The following TMEM178B variants were observed in gnomAD, a reference collection of about 807,000 sequenced individuals.
TMEM178B encodes transmembrane protein 178B.
Under a neutral mutation model 31.0 loss-of-function variants are expected in TMEM178B, and 5 were observed. That is an observed-to-expected ratio of 0.16 (90% CI 0.08 to 0.34). TMEM178B has a LOEUF of 0.34. Ranked by LOEUF, TMEM178B falls within the 10% of genes least tolerant of loss-of-function variation. The pLI, the probability that TMEM178B is intolerant of heterozygous loss-of-function variation, is 1.00. For synonymous variants in TMEM178B, 164 were observed against 164.0 expected (o/e 1.00, Z 0.00); for missense variants, 275 against 400.3 (o/e 0.69, Z 2.67).
intron 2 of TMEM178B, among the ~76,000 whole-genome samples, chr7:141,237,987 G>C (rs956749378): frequency 6.8e-6 from 1 of 147,650 alleles, no homozygotes. Flanking sequence ...ATGCACCATT[G>C]CACTCCAGCC....
chr7:141,262,500 T>C (rs1798030159), intron 2 of TMEM178B, among the ~76,000 whole-genome samples: 1 of 134,924 alleles, frequency 7.4e-6, no homozygotes, highest in Admixed American at 7.4e-5. Context: ...TATATATATA[T>C]ATATCCCTCC....
At position 141,207,129 on chromosome 7, in the gene TMEM178B, C is replaced by T. The variant is rs372526935; in HGVS notation, c.383-5462C>T. Among the ~76,000 whole-genome samples, 101 of 152,228 alleles carry T rather than the reference C, an allele frequency of 6.6e-4. 3 individuals carry two copies. Among genetic ancestry groups the T allele is most frequent in the African/African-American group, 2.2e-3 (93 of 41,530 alleles). ...GCAAGCTTCCCTTCTTTTTAAAGAC[C>T]GATTATATGGCATTGTAGGGATGCA... On this transcript the variant is annotated intron_variant, in intron 1 of 3. Coordinates refer to ENST00000565468, the MANE Select transcript of TMEM178B (RefSeq NM_001195278.2).
intron 2 of TMEM178B, among the ~76,000 whole-genome samples, chr7:141,243,907 A>G (rs1797683900): frequency 6.6e-6 from 1 of 152,174 alleles, no homozygotes; most frequent in South Asian, 2.1e-4. Flanking sequence ...TGTATCCACC[A>G]CTGAATACCC....
At chr7:141,259,496 C>T (rs1269203209) in intron 2 of TMEM178B, among the ~76,000 whole-genome samples, 3 of 152,040 alleles carry the variant, frequency 2.0e-5, no homozygotes, top group Non-Finnish European at 4.4e-5. Context: ...TTTCCTATTT[C>T]TTTGCATATC....
chr7:141,227,984 C>G (rs1248791994), intron 2 of TMEM178B, among the ~76,000 whole-genome samples: 1 of 151,684 alleles, frequency 6.6e-6, no homozygotes, highest in African/African-American at 2.4e-5. Flanking sequence ...GAAGAATTAA[C>G]TATATTTTCT....
At chr7:141,143,588 G>A (rs1795808316) in intron 1 of TMEM178B, among the ~76,000 whole-genome samples, 1 of 152,114 alleles carries the variant, frequency 6.6e-6, no homozygotes, top group South Asian at 2.1e-4. Flanking sequence ...GTCTGATTTT[G>A]TACTGGTACC....
At chr7:141,158,975 G>A (rs909864161) in intron 1 of TMEM178B, among the ~76,000 whole-genome samples, 7 of 152,158 alleles carry the variant, frequency 4.6e-5, no homozygotes, top group African/African-American at 1.7e-4. Context: ...TGAGGAAGAG[G>A]TTGGGCAGGG....
chr7:141,237,726 T>C (rs1241994062), intron 2 of TMEM178B, among the ~76,000 whole-genome samples: 4 of 152,024 alleles, frequency 2.6e-5, no homozygotes, highest in Non-Finnish European at 4.4e-5. Context: ...ATACTTTATT[T>C]TGAAAGTAAG....
chr7:141,274,639 C>A (rs529069587), intron 2 of TMEM178B, among the ~76,000 whole-genome samples: 20 of 152,202 alleles, frequency 1.3e-4, no homozygotes, highest in Non-Finnish European at 2.1e-4. Context: ...TCTGTCCATG[C>A]CCAAATCCAT....
At chr7:141,458,289 T>C (rs1802002527) in intron 3 of TMEM178B, among the ~76,000 whole-genome samples, 1 of 152,148 alleles carries the variant, frequency 6.6e-6, no homozygotes, top group Non-Finnish European at 1.5e-5. Context: ...CCGGCTGATT[T>C]TGTATTTTTT....
intron 2 of TMEM178B, among the ~76,000 whole-genome samples, chr7:141,346,289 A>G (rs773726456): frequency 3.3e-5 from 5 of 152,194 alleles, no homozygotes; most frequent in Non-Finnish European, 5.9e-5. Context: ...TGAATATAAA[A>G]AACAGTAAAT....
At chr7:141,076,634 C>A (rs1384989174) in intron 1 of TMEM178B, among the ~76,000 whole-genome samples, 1 of 152,108 alleles carries the variant, frequency 6.6e-6, no homozygotes, top group Non-Finnish European at 1.5e-5. Flanking sequence ...ACATGTTCTT[C>A]CGGTGAAGCT....
intron 2 of TMEM178B, among the ~76,000 whole-genome samples, chr7:141,300,596 C>T (rs1024784797): frequency 7.2e-5 from 11 of 152,240 alleles, no homozygotes; most frequent in Admixed American, 6.5e-4. Flanking sequence ...CTCCTTCCAC[C>T]TCTTAGTTTC....
At chr7:141,356,651 CG>C (rs1261477973) in intron 2 of TMEM178B, among the ~76,000 whole-genome samples, 2 of 64,050 alleles carry the variant, frequency 3.1e-5, no homozygotes, top group Non-Finnish European at 3.0e-5. Flanking sequence ...CGGGGTTGGG[CG>C]GGGGGGTGGT....
chr7:141,123,904 C>T (rs1795447738), intron 1 of TMEM178B, among the ~76,000 whole-genome samples: 3 of 152,272 alleles, frequency 2.0e-5, no homozygotes, highest in African/African-American at 4.8e-5. Context: ...AGGCGCACAA[C>T]ACCAAGCCTG....
intron 1 of TMEM178B, among the ~76,000 whole-genome samples, chr7:141,158,923 T>A (rs997512187): frequency 2.6e-5 from 4 of 152,040 alleles, no homozygotes; most frequent in Admixed American, 6.6e-5. Flanking sequence ...AAATGGAAAT[T>A]TAGGATTGTA....
At chr7:141,393,161 G>T (rs1167504611) in intron 2 of TMEM178B, among the ~76,000 whole-genome samples, 2 of 152,106 alleles carry the variant, frequency 1.3e-5, no homozygotes, top group Non-Finnish European at 2.9e-5. Flanking sequence ...TCTGGGGAAG[G>T]AGGCAGCCCT....
intron 2 of TMEM178B, among the ~76,000 whole-genome samples, chr7:141,358,446 G>T (rs191713746): frequency 2.7e-4 from 41 of 152,088 alleles, no homozygotes; most frequent in African/African-American, 9.4e-4. Context: ...ATGCAAAAAA[G>T]TACTGGTCTG....
chr7:141,114,585 C>T (rs971629962), intron 1 of TMEM178B, among the ~76,000 whole-genome samples: 2 of 152,202 alleles, frequency 1.3e-5, no homozygotes, highest in African/African-American at 4.8e-5. Context: ...CTCCTTCTGC[C>T]CTTTGGGCAG....
Sources: allele counts gnomAD v4.1 joint callset (sites outside exome capture counted in the v4.1 genomes callset), GRCh38; gene constraint gnomAD v4.1.1; transcripts MANE v1.5; gene names NCBI Gene and HGNC (gene_info 2026-07-23, HGNC 2026-07-21).